Variants in RERE observed in about 807,000 individuals in gnomAD.
RERE encodes arginine-glutamic acid dipeptide repeats protein.
RERE carries 40 observed loss-of-function variants against 146.1 expected under a neutral mutation model. That is an observed-to-expected ratio of 0.27 (90% CI 0.21 to 0.36). The LOEUF is 0.36. Among genes scored for constraint, RERE ranks in the 10% least tolerant of loss-of-function variants. The probability of loss-of-function intolerance (pLI) is 1.00; values close to 1 mark genes in which losing one functional copy is unlikely to be tolerated. For missense variants in RERE, 1,933 were observed against 2,138.7 expected (o/e 0.90, Z 1.90); for synonymous variants, 1,003 against 866.0 (o/e 1.16, Z -2.78).
chr1:8,467,030 G>A (rs2124130885), intron 10 of RERE, among the ~76,000 whole-genome samples: 1 of 152,298 alleles, frequency 6.6e-6, no homozygotes, highest in Admixed American at 6.5e-5. Flanking sequence ...GATTGGCTTT[G>A]TCTAAGACTT....
chr1:8,662,676 G>C (rs896524637), intron 1 of RERE, among the ~76,000 whole-genome samples: 1 of 151,974 alleles, frequency 6.6e-6, no homozygotes, highest in Non-Finnish European at 1.5e-5. Context: ...CCAGCCTAGG[G>C]AACAGAGTGA....
chr1:8,366,356 C>T (rs1290240954), intron 12 of RERE, among the ~76,000 whole-genome samples: 5 of 152,228 alleles, frequency 3.3e-5, no homozygotes, highest in Non-Finnish European at 5.9e-5. Flanking sequence ...TGTGTGTGCA[C>T]GTGAGTCTGT....
intron 11 of RERE, among the ~76,000 whole-genome samples, chr1:8,433,048 C>T (rs896180546): frequency 3.3e-5 from 5 of 152,066 alleles, no homozygotes; most frequent in Non-Finnish European, 5.9e-5. Flanking sequence ...AAGCACATGT[C>T]GGAGATTATA....
At chr1:8,691,363 G>A (rs532891729) in intron 1 of RERE, among the ~76,000 whole-genome samples, 3 of 152,176 alleles carry the variant, frequency 2.0e-5, no homozygotes, top group South Asian at 4.1e-4. Context: ...AGTTTAATAC[G>A]GTCAACAGCA....
At chr1:8,434,447 A>G (rs74974357) in intron 11 of RERE, among the ~76,000 whole-genome samples, 1 of 152,092 alleles carries the variant, frequency 6.6e-6, no homozygotes, top group African/African-American at 2.4e-5. Context: ...AACAAATCAA[A>G]CCACACATAC....
At chr1:8,671,248 G>A (rs763516849) in intron 1 of RERE, among the ~76,000 whole-genome samples, 2 of 152,162 alleles carry the variant, frequency 1.3e-5, no homozygotes, top group Non-Finnish European at 2.9e-5. Flanking sequence ...ATTATGGACA[G>A]GCCAAAAACG....
intron 4 of RERE, among the ~76,000 whole-genome samples, chr1:8,558,620 C>T (rs1272043452): frequency 1.3e-5 from 2 of 152,120 alleles, no homozygotes; most frequent in African/African-American, 4.8e-5. Flanking sequence ...AAGGAAGATG[C>T]TTCCTGCTTT....
intron 4 of RERE, among the ~76,000 whole-genome samples, chr1:8,601,888 C>G (rs1264338887): frequency 1.3e-5 from 2 of 152,168 alleles, no homozygotes; most frequent in Non-Finnish European, 2.9e-5. Flanking sequence ...TAACAAGGCC[C>G]TATGGCAGTG....
intron 1 of RERE, among the ~76,000 whole-genome samples, chr1:8,720,136 G>C (rs1639834022): frequency 6.6e-6 from 1 of 152,006 alleles, no homozygotes; most frequent in African/African-American, 2.4e-5. Flanking sequence ...AGCTGGGCAT[G>C]GTGGTGCACG....
At chr1:8,608,157 G>A (rs1033111089) in intron 4 of RERE, among the ~76,000 whole-genome samples, 2 of 152,054 alleles carry the variant, frequency 1.3e-5, no homozygotes, top group South Asian at 4.1e-4. Context: ...CCAAGGTGCT[G>A]GGATTATAGG....
chr1:8,376,809 A>C (rs567984304), intron 12 of RERE, among the ~76,000 whole-genome samples: 22 of 152,370 alleles, frequency 1.4e-4, no homozygotes, highest in Non-Finnish European at 3.1e-4. Context: ...AACTGCTTCC[A>C]GCTAGAAGTA....
intron 4 of RERE, among the ~76,000 whole-genome samples, chr1:8,594,031 TAATA>T (rs1280693216): frequency 6.6e-6 from 1 of 152,212 alleles, no homozygotes; most frequent in African/African-American, 2.4e-5. Context: ...TGGGGTTATA[TAATA>T]AACAGCCAAT....
intron 12 of RERE, among the ~76,000 whole-genome samples, chr1:8,372,582 T>C (rs1032941289): frequency 2.8e-5 from 4 of 142,228 alleles, no homozygotes; most frequent in Non-Finnish European, 4.6e-5. Flanking sequence ...CCTTTGTAAA[T>C]AACCGTATGC....
intron 15 of RERE, chr1:8,363,705 A>G (rs1641685483): frequency 3.6e-6 from 1 of 281,430 alleles, no homozygotes; most frequent in African/African-American, 2.2e-5. Flanking sequence ...AAACACACTA[A>G]CACAAAAGAG....
rs559866856 is a variant in RERE, at chr1:8,750,804, A to G, written c.-145+66356T>C. 5.9e-5 allele frequency: 48 copies of G among 815,918 alleles called. No homozygotes were observed. The South Asian group carries it at 6.4e-4, about 11-fold the overall frequency. The allele number at this position is 815,918 out of a possible 1,614,324, so 50.5% of individuals were successfully genotyped here. On this transcript the variant is annotated intron_variant, in intron 1 of 22. Transcript: ENST00000400908. ...TTCAGTGGAACCTTTGTGAAGCTCA[A>G]CAAGGCTTCAATTAACATGCTGAGG...
In RERE at chr1:8,415,590, G is replaced by A. The variant is rs551131085; in HGVS notation, c.1284+7137C>T. On this transcript the variant is annotated intron_variant, in intron 12 of 22. Transcript: ENST00000400908. ...ACACTGAGAACGGCAACTGTCCAAG[G>A]CCCTTGGTTTAAAAAGTCACCCAAT... Among the ~76,000 whole-genome samples, 5 of 152,252 alleles carry A rather than the reference G, an allele frequency of 3.3e-5. No homozygotes were observed. The South Asian group carries it at 8.3e-4, about 25-fold the overall frequency.
intron 12 of RERE, among the ~76,000 whole-genome samples, chr1:8,404,863 G>C (rs567648389): frequency 6.6e-6 from 1 of 152,272 alleles, no homozygotes; most frequent in East Asian, 1.9e-4. Context: ...CTGAAAGCTT[G>C]GCTCCTCACC....
At position 8,364,022 on chromosome 1, in the gene RERE, G is replaced by A. The variant is rs764871901; in HGVS notation, c.1740+34C>T. On this transcript the variant is annotated intron_variant, in intron 15 of 22. Coordinates refer to ENST00000400908, the MANE Select transcript of RERE (RefSeq NM_001042681.2). The surrounding 1 kb of genome is among the most constrained non-coding windows in gnomAD (Gnocchi z 5.1). ...CCACACATCCCAGGAAACTGAAGAA[G>A]TTGCCAGGAGCCCCATGGCCCCAGG... is the stretch of plus-strand genomic sequence containing the variant. The A allele has an allele frequency of 1.1e-5, 17 of 1,598,478 alleles. No homozygotes were observed. In the Admixed American group the frequency reaches 2.0e-4, roughly 19 times the overall value.
chr1:8,595,251 T>G lies in RERE; in HGVS notation c.522+19310A>C, dbSNP rs139461730. On this transcript the variant is annotated intron_variant, in intron 4 of 22. Coordinates refer to ENST00000400908, the MANE Select transcript of RERE (RefSeq NM_001042681.2). ...TTTGGGTAAAATTTCTTTGCCTATG[T>G]GGGTATCAACCATTTTATTTCATCT... Among the ~76,000 whole-genome samples, 224 of 152,018 alleles carry G rather than the reference T, an allele frequency of 1.5e-3. 10 individuals carry two copies. The East Asian group carries it at 0.04, about 27-fold the overall frequency.
Sources: gnomAD v4.1 joint callset for allele counts (sites outside exome capture counted in the v4.1 genomes callset) on GRCh38, gnomAD v4.1.1 for gene constraint, Gnocchi (gnomAD v3.1) non-coding constraint, MANE v1.5 for transcripts, NCBI Gene and HGNC (gene_info 2026-07-23, HGNC 2026-07-21) for gene names.